The following PHACTR1 variants were observed in gnomAD, a reference collection of about 807,000 sequenced individuals.
PHACTR1 encodes RPEL repeat containing 1.
In PHACTR1, 16 loss-of-function variants were observed where a neutral mutation model predicts 69.2. The ratio of observed to expected loss-of-function variants is 0.23; its 90% CI spans 0.16 to 0.35. The LOEUF (loss-of-function observed/expected upper bound fraction) is 0.35. PHACTR1 is among the 10% of genes least tolerant of loss of function. The pLI, the probability that PHACTR1 is intolerant of heterozygous loss-of-function variation, is 1.00. For missense variants in PHACTR1, 510 were observed against 734.7 expected (o/e 0.69, Z 3.54); for synonymous variants, 312 against 284.5 (o/e 1.10, Z -0.97).
chr6:13,114,149 G>A (rs551766792), intron 5 of PHACTR1, among the ~76,000 whole-genome samples: 38 of 152,208 alleles, frequency 2.5e-4, no homozygotes, highest in South Asian at 1.9e-3. Context: ...AAGCAGACTC[G>A]CTCTGATGGC....
At position 13,284,567 on chromosome 6, in the gene PHACTR1, T is replaced by TAG. The variant is rs1177060843; in HGVS notation, c.1650+1006_1650+1007insGA. On this transcript the variant is annotated intron_variant, in intron 13 of 14. Coordinates refer to ENST00000332995, the MANE Select transcript of PHACTR1 (RefSeq NM_030948.6). ...AAATATATATATATATATATATATA[T>TAG]ATAGATACACGTATATATATATATA... Among the ~76,000 whole-genome samples, 112 of 108,324 alleles carry TAG rather than the reference T, an allele frequency of 1.0e-3. 2 individuals are homozygous for TAG. The highest frequency in any genetic ancestry group is 4.5e-3 in the African/African-American group (100 of 22,022). The allele number at this position is 108,324 out of a possible 152,430, so 71.1% of individuals were successfully genotyped here.
At chr6:13,101,332 T>C (rs1815125135) in intron 5 of PHACTR1, among the ~76,000 whole-genome samples, 2 of 152,360 alleles carry the variant, frequency 1.3e-5, no homozygotes, top group East Asian at 3.9e-4. Context: ...CCTCATGACC[T>C]GATCACTTCT....
At chr6:12,844,970 A>G (rs907121914) in intron 4 of PHACTR1, among the ~76,000 whole-genome samples, 15 of 152,168 alleles carry the variant, frequency 9.9e-5, no homozygotes, top group African/African-American at 3.6e-4. Context: ...GCAACAGACA[A>G]ATTAACTGGT....
In PHACTR1 at chr6:12,935,491, G is replaced by T. The variant is rs937832924; in HGVS notation, c.251-117874G>T. On this transcript the variant is annotated intron_variant, in intron 4 of 14. Transcript: ENST00000332995. ...ACTTTTGACCTCAAGTGATCTGCCTGCCTCGGCCTCCCAAAGTGCTGGGAT... is the reference window on the plus strand; with the variant it reads ...ACTTTTGACCTCAAGTGATCTGCCTTCCTCGGCCTCCCAAAGTGCTGGGAT... 7.9e-5 allele frequency among the ~76,000 whole-genome samples: 12 copies of T among 152,142 alleles called. No individual in the cohort carries two copies. The East Asian group carries it at 1.2e-3, about 15-fold the overall frequency.
intron 12 of PHACTR1, among the ~76,000 whole-genome samples, chr6:13,281,901 A>AG (rs1348390704): frequency 1.3e-5 from 2 of 152,208 alleles, no homozygotes; most frequent in Admixed American, 6.5e-5. Context: ...CAGTCTAGGC[A>AG]GGGGGGCCGG....
chr6:12,876,489 T>G (rs961540049), intron 4 of PHACTR1, among the ~76,000 whole-genome samples: 1 of 152,114 alleles, frequency 6.6e-6, no homozygotes, highest in Non-Finnish European at 1.5e-5. Flanking sequence ...AATGAGAAAA[T>G]GATCTTCTAA....
intron 5 of PHACTR1, among the ~76,000 whole-genome samples, chr6:13,145,416 T>A (rs1420118529): frequency 6.6e-6 from 1 of 152,254 alleles, no homozygotes; most frequent in East Asian, 1.9e-4. Flanking sequence ...GGCAATGTGC[T>A]TGGTCTTCAT....
rs372108135 is a variant in PHACTR1 at position 12,828,865 on chromosome 6, C to T, written c.250+79075C>T. Among the ~76,000 whole-genome samples the T allele has an allele frequency of 7.9e-5, 12 of 152,006 alleles. No individual in the cohort carries two copies. The East Asian group carries it at 1.4e-3, about 17-fold the overall frequency. On this transcript the variant is annotated intron_variant, in intron 4 of 14. Coordinates refer to ENST00000332995, the MANE Select transcript of PHACTR1 (RefSeq NM_030948.6). ...AGATTGGTTAATGAATACAAAATTA[C>T]AGCTGGATAGGAGGAATAAGTTTTA... is the stretch of plus-strand genomic sequence containing the variant.
intron 12 of PHACTR1, chr6:13,280,823 A>G (rs557547900): frequency 1.9e-6 from 1 of 540,294 alleles, no homozygotes; most frequent in Non-Finnish European, 3.0e-6. Flanking sequence ...TTATTTTTGC[A>G]GCATTCAAGG....
chr6:12,884,073 C>G (rs926264262), intron 4 of PHACTR1, among the ~76,000 whole-genome samples: 1 of 151,960 alleles, frequency 6.6e-6, no homozygotes, highest in African/African-American at 2.4e-5. Context: ...TACCCACATA[C>G]ACACACATAC....
chr6:12,764,275 A>C (rs1768360553), intron 4 of PHACTR1, among the ~76,000 whole-genome samples: 1 of 152,194 alleles, frequency 6.6e-6, no homozygotes, highest in Non-Finnish European at 1.5e-5. Context: ...ATGTGTATTA[A>C]AGCTACTATT....
intron 3 of PHACTR1, among the ~76,000 whole-genome samples, chr6:12,737,036 A>G (rs1051986505): frequency 2.1e-5 from 3 of 142,096 alleles, no homozygotes; most frequent in African/African-American, 7.5e-5. Flanking sequence ...TTACCCATAT[A>G]TACACACACA....
chr6:13,227,711 C>T (rs1486624528), intron 8 of PHACTR1, 105 bp from the exon 9 acceptor site: 14 of 1,423,940 alleles, frequency 9.8e-6, no homozygotes, highest in South Asian at 1.4e-5. Context: ...CCAGTAGACC[C>T]TTTGTCTCTT....
At chr6:12,726,492 A>C (rs1317479280) in intron 3 of PHACTR1, among the ~76,000 whole-genome samples, 1 of 152,106 alleles carries the variant, frequency 6.6e-6, no homozygotes, top group Non-Finnish European at 1.5e-5. Flanking sequence ...ACTAGTTACC[A>C]TCCCACTCAC....
chr6:13,277,459 C>T (rs762389320), intron 11 of PHACTR1, among the ~76,000 whole-genome samples: 19 of 152,188 alleles, frequency 1.2e-4, no homozygotes, highest in Admixed American at 8.5e-4. Context: ...CCTGCCTTGT[C>T]TTGTTCCTGC....
chr6:13,287,303 G>A lies in PHACTR1; in HGVS notation c.*225G>A. The A allele has an allele frequency of 5.3e-6, 3 of 561,194 alleles. No homozygotes were observed. Among genetic ancestry groups the A allele is most frequent in the Non-Finnish European group, 6.1e-6 (2 of 325,890 alleles). 34.8% of individuals were successfully genotyped at this position (561,194 alleles called of 1,614,324 possible). Reference sequence around the variant, plus strand: ...CTGGTCCCACTTCTGACACCAAAATGCATCCCAACCCCCGGCAGTGCCAAG... The same window carrying A: ...CTGGTCCCACTTCTGACACCAAAATACATCCCAACCCCCGGCAGTGCCAAG... On this transcript the variant is annotated 3_prime_UTR_variant, in exon 15 of 15. Coordinates refer to ENST00000332995, the MANE Select transcript of PHACTR1 (RefSeq NM_030948.6).
intron 4 of PHACTR1, among the ~76,000 whole-genome samples, chr6:12,954,852 T>A (rs1379616758): frequency 6.6e-6 from 1 of 152,130 alleles, no homozygotes; most frequent in African/African-American, 2.4e-5. Context: ...ACAAATTTGT[T>A]CCCCTAAAAT....
intron 6 of PHACTR1, among the ~76,000 whole-genome samples, chr6:13,178,277 G>A (rs989388272): frequency 6.6e-6 from 1 of 152,120 alleles, no homozygotes; most frequent in Non-Finnish European, 1.5e-5. Flanking sequence ...CATGATCCAC[G>A]GTTAGACAAC....
In PHACTR1 at chr6:13,221,297, C is replaced by T. The variant is rs191573380; in HGVS notation, c.987-6519C>T. On this transcript the variant is annotated intron_variant, in intron 8 of 14. Transcript: ENST00000332995. ...ATTGAAAGGAGTTGGAGGGTCAGAT[C>T]GTGAGGCACCTCTTAATCCATGCTG... Among the ~76,000 whole-genome samples the T allele has an allele frequency of 3.6e-3, 550 of 152,138 alleles. 5 individuals carry two copies. The highest frequency in any genetic ancestry group is 0.013 in the African/African-American group (534 of 41,480).
Sources: allele counts gnomAD v4.1 joint callset (sites outside exome capture counted in the v4.1 genomes callset), GRCh38; gene constraint gnomAD v4.1.1; transcripts MANE v1.5; gene names NCBI Gene and HGNC (gene_info 2026-07-23, HGNC 2026-07-21).